Variants in TMEM67 observed in about 807,000 individuals in gnomAD.
The protein encoded by TMEM67 is meckelin.
TMEM67 carries 124 observed loss-of-function variants against 136.6 expected under a neutral mutation model. That is an observed-to-expected ratio of 0.91 (90% confidence interval 0.78 to 1.05). The LOEUF is 1.05. Among genes scored for constraint, TMEM67 ranks in the 50% least tolerant of loss-of-function variants. The probability of loss-of-function intolerance (pLI) is 0.00; values close to 1 mark genes in which losing one functional copy is unlikely to be tolerated. For missense variants in TMEM67, 1,107 were observed against 1,178.4 expected, an observed-to-expected ratio of 0.94 and a Z score of 0.89; for synonymous variants, 364 against 390.5, an observed-to-expected ratio of 0.93 and a Z score of 0.80.
At chr8:93,759,633 T>A (rs1284931562) in intron 3 of TMEM67, among the ~76,000 whole-genome samples, 1 of 151,124 alleles carries the variant, frequency 6.6e-6, no homozygotes, top group African/African-American at 2.4e-5. Context: ...TCCTTTTTTT[T>A]AATTTTAATT....
At chr8:93,818,603 G>C (rs1274150809), downstream of TMEM67, among the ~76,000 whole-genome samples, 1 of 152,178 alleles carries the variant, frequency 6.6e-6, no homozygotes, top group Non-Finnish European at 1.5e-5. Context: ...GAGCAGTGAG[G>C]AGTGTGGCTT....
intron 26 of TMEM67, among the ~76,000 whole-genome samples, chr8:93,814,090 T>C (rs1808803450): frequency 1.3e-5 from 2 of 151,932 alleles, no homozygotes; most frequent in African/African-American, 4.8e-5. Flanking sequence ...GTTCTCTGGA[T>C]TTCCCTGAAA....
Position 93,782,443 on chromosome 8 carries a change from A to G in TMEM67, c.1114A>G (p.Thr372Ala), listed in dbSNP as rs1813881338. Residue 372 changes from threonine to alanine, a missense_variant, in exon 11 of 28, where the codon ACA becomes GCA. Physicochemically the swap from Thr to Ala is moderately conservative, Grantham distance 58. Around this residue, in one of 3 missense-constraint regions of TMEM67, gnomAD observed 925 missense variants for 1,002.4 expected, o/e 0.92. Coordinates refer to ENST00000453321, the MANE Select transcript of TMEM67 (RefSeq NM_153704.6). ...TRLNAAYSFG[T>A]TYQQNCEIPI... ...GCTAAATGCTGCTTATTCATTTGGA[A>G]CAACCTACCAACAAAATGTAAGTTT... 1 of 1,612,878 alleles carries G rather than the reference A, an allele frequency of 6.2e-7. No individual in the cohort carries two copies. Among genetic ancestry groups the G allele is most frequent in the South Asian group, 1.1e-5 (1 of 91,022 alleles).
chr8:93,758,783 G>C, intron 3 of TMEM67: 1 of 543,372 alleles, frequency 1.8e-6, no homozygotes, highest in Admixed American at 3.2e-5. Context: ...ATTTTTTGTA[G>C]AGACTGGGTC....
intron 11 of TMEM67, 110 bp downstream of exon 11, chr8:93,782,570 G>A: frequency 1.5e-6 from 1 of 661,616 alleles, no homozygotes; most frequent in Non-Finnish European, 2.4e-6. Flanking sequence ...TTTTATTCTT[G>A]GTTTTTTTTT....
At chr8:93,800,051 G>C (rs1814802270) in intron 21 of TMEM67, among the ~76,000 whole-genome samples, 1 of 151,700 alleles carries the variant, frequency 6.6e-6, no homozygotes, top group Non-Finnish European at 1.5e-5. Flanking sequence ...GGGTCTGTAG[G>C]CTCCCACCAC....
chr8:93,796,112 A>C, intron 18 of TMEM67, 125 bp downstream of exon 18: 1 of 720,996 alleles, frequency 1.4e-6, no homozygotes, highest in Non-Finnish European at 2.5e-6. Context: ...AGAAAGCATT[A>C]ATTATTTTAT....
intron 26 of TMEM67, among the ~76,000 whole-genome samples, chr8:93,810,259 A>T (rs62525191): frequency 6.1e-4 from 89 of 146,562 alleles, no homozygotes; most frequent in Non-Finnish European, 1.2e-3. Context: ...ATGAGCCACC[A>T]CCCCCAGCTG....
At position 93,755,751 on chromosome 8, in the gene TMEM67, CTT is replaced by C. The variant is rs587779735; in HGVS notation, c.224-4_224-3del. 19,388 of 620,700 alleles carry C rather than the reference CTT, an allele frequency of 0.031. 3 individuals are homozygous for C. Among genetic ancestry groups the C allele is most frequent in the East Asian group, 0.049 (1,263 of 25,832 alleles). 38.4% of individuals were successfully genotyped at this position (620,700 alleles called of 1,614,324 possible). A position where few individuals can be genotyped will look rare whatever the true frequency, so the allele number is the denominator to read the frequency against. ...TTTTATTTATCAAGGATAAAATTGG[CTT>C]TTTTTTTTTTTTTTTTTTTTTTAGG... On this transcript the variant is annotated intron_variant, in intron 1 of 27. Coordinates refer to ENST00000453321, the MANE Select transcript of TMEM67 (RefSeq NM_153704.6).
At chr8:93,830,603 T>G in the TMEM67 span, among the ~76,000 whole-genome samples, 2 of 152,194 alleles carry the variant, frequency 1.3e-5, no homozygotes, top group African/African-American at 4.8e-5. Context: ...TGTTTGGTGG[T>G]GGGGAGAAAC....
intron 11 of TMEM67, among the ~76,000 whole-genome samples, chr8:93,784,113 A>C (rs1204211651): frequency 6.6e-6 from 1 of 152,178 alleles, no homozygotes; most frequent in Non-Finnish European, 1.5e-5. Context: ...TGGGGTTAGA[A>C]ATTATTTTTT....
At chr8:93,814,271 CTGGGA>C (rs1808813870) in intron 26 of TMEM67, among the ~76,000 whole-genome samples, 1 of 150,352 alleles carries the variant, frequency 6.7e-6, no homozygotes, top group African/African-American at 2.5e-5. Flanking sequence ...TCCTGAGTAG[CTGGGA>C]CTACAGGCGC....
chr8:93,808,514 A>AATAGATC (rs1808549642), intron 23 of TMEM67, among the ~76,000 whole-genome samples: 2 of 13,392 alleles, frequency 1.5e-4, no homozygotes, highest in African/African-American at 3.4e-4. Flanking sequence ...ATGAATATAT[A>AATAGATC]TATTTATAAT....
Position 93,809,827 on chromosome 8 carries a change from C to T in TMEM67, c.2704C>T (p.Leu902Phe), listed in dbSNP as rs1808625403. ...MDYFIKDKLLLERILGMEFME... is the reference protein window; with the variant it reads ...MDYFIKDKLLFERILGMEFME... ...TTACTTTATAAAAGATAAGTTGCTT[C>T]TTGAAAGAATTCTTGGAATGGAATT... The change falls in exon 26 of 28, where the codon CTT becomes TTT. Residue 902 changes from leucine (L) to phenylalanine (F), a missense_variant. Leu to Phe is a conservative substitution (Grantham distance 22, BLOSUM62 0). Transcript: ENST00000453321. 1.9e-6 allele frequency: 3 copies of T among 1,608,196 alleles called. No homozygotes were observed. The highest frequency in any genetic ancestry group is 2.2e-5 in the South Asian group (2 of 90,646).
intron 7 of TMEM67, among the ~76,000 whole-genome samples, chr8:93,777,587 T>G (rs1050988985): frequency 2.0e-5 from 3 of 152,218 alleles, no homozygotes; most frequent in Non-Finnish European, 4.4e-5. Context: ...AACATCTTTA[T>G]TTCTGCCTTC....
chr8:93,793,049 G>A (rs1814454748), intron 15 of TMEM67, 149 bp from the exon 16 acceptor site: 2 of 712,004 alleles, frequency 2.8e-6, no homozygotes, highest in Admixed American at 2.0e-5. Flanking sequence ...GGGATTACAG[G>A]TGTGAGCCAC....
rs1382543857 is a variant in TMEM67, at chr8:93,755,033, C to G, written c.119C>G (p.Ser40Cys). 2 of 1,614,112 alleles carry G rather than the reference C, an allele frequency of 1.2e-6. No individual in the cohort carries two copies. Among genetic ancestry groups the G allele is most frequent in the Non-Finnish European group, 8.5e-7 (1 of 1,180,054 alleles). The change falls in exon 1 of 28, where the codon TCT becomes TGT. Residue 40 changes from serine (S) to cysteine (C), a missense_variant. By Grantham distance (112) the Ser-to-Cys change is moderately radical. Around this residue, in one of 3 missense-constraint regions of TMEM67, gnomAD observed 178 missense variants for 159.2 expected, o/e 1.12. Coordinates refer to ENST00000453321, the MANE Select transcript of TMEM67 (RefSeq NM_153704.6). ...CGCTTCTTACAGGCCCAGACCTTCT[C>G]TTTCCCTTTCCAGCAGCCGGAGAAG... Reference protein sequence around the residue: ...LPRFLQAQTFSFPFQQPEKCD... With the variant: ...LPRFLQAQTFCFPFQQPEKCD...
chr8:93,790,517 C>T (rs1814329167), intron 14 of TMEM67, among the ~76,000 whole-genome samples: 1 of 152,180 alleles, frequency 6.6e-6, no homozygotes, highest in South Asian at 2.1e-4. Flanking sequence ...CAAACTAAAA[C>T]AACCAACTAA....
intron 2 of TMEM67, 83 bp downstream of exon 2, chr8:93,755,949 T>TTA (rs1412720777): frequency 1.5e-5 from 12 of 826,210 alleles, no homozygotes; most frequent in Non-Finnish European, 2.3e-5. Flanking sequence ...TAATTTAATG[T>TTA]TTAATGTTTC....
Sources: allele counts gnomAD v4.1 joint callset (sites outside exome capture counted in the v4.1 genomes callset), GRCh38; gene constraint gnomAD v4.1.1; regional missense constraint gnomAD v4.1.1; transcripts MANE v1.5; gene names NCBI Gene and HGNC (gene_info 2026-07-23, HGNC 2026-07-21).